The following LRRC58 variants were observed in gnomAD, a reference collection of about 807,000 sequenced individuals.
The protein encoded by LRRC58 is leucine rich repeat containing 58.
Under a neutral mutation model 30.6 loss-of-function variants are expected in LRRC58, and 18 were observed. That is an observed-to-expected ratio of 0.59 (90% confidence interval 0.41 to 0.87). The LOEUF (loss-of-function observed/expected upper bound fraction) is 0.87, where lower values mean the gene tolerates loss of function less well. LRRC58 is among the 40% of genes least tolerant of loss of function. LRRC58 has a pLI of 0.00. For synonymous variants in LRRC58, 221 were observed against 206.0 expected (o/e 1.07, Z -0.62); for missense variants, 420 against 468.4 (o/e 0.90, Z 0.95).
chr3:120,347,379 CTTTTT>C (rs796116731), intron 1 of LRRC58, among the ~76,000 whole-genome samples: 9,366 of 54,632 alleles, frequency 0.17, 494 homozygotes, highest in African/African-American at 0.21. Flanking sequence ...GGCCAATATT[CTTTTT>C]TTTTTTTTTT....
intron 1 of LRRC58, among the ~76,000 whole-genome samples, chr3:120,336,744 A>G (rs1401874312): frequency 6.6e-6 from 1 of 151,482 alleles, no homozygotes; most frequent in Non-Finnish European, 1.5e-5. Flanking sequence ...TAAAATAAAA[A>G]AAAAGAGAGT....
chr3:120,347,432 C>T (rs576724179), intron 1 of LRRC58, among the ~76,000 whole-genome samples: 10 of 123,842 alleles, frequency 8.1e-5, no homozygotes, highest in South Asian at 2.8e-4. Context: ...TCGCCCAGGC[C>T]GGACTGCGGA....
rs1023632843 is a variant in LRRC58 at position 120,349,049 on chromosome 3, G to A, written c.195C>T (p.Ser65=). Residue 65 remains serine (S), a synonymous_variant, in exon 1 of 4, where the codon AGC becomes AGT. Coordinates refer to ENST00000295628, the MANE Select transcript of LRRC58 (RefSeq NM_001099678.2). ...RLVSLPRALG[S]GFPHLQLLDV... ...CCAGCAGCTGGAGGTGCGGGAAGCC[G>A]CTGCCCAGCGCCCGTGGCAGCGACA... 2.0e-6 allele frequency: 3 copies of A among 1,517,398 alleles called. No homozygotes were observed. Among genetic ancestry groups the A allele is most frequent in the Admixed American group, 2.0e-5 (1 of 49,162 alleles). The allele number at this position is 1,517,398 out of a possible 1,614,324, so 94.0% of individuals were successfully genotyped here. A position where few individuals can be genotyped will look rare whatever the true frequency, so the allele number is the denominator to read the frequency against.
Position 120,325,769 on chromosome 3 carries a change from G to A in LRRC58, c.*5431C>T, listed in dbSNP as rs1935665299. 1 of 152,124 alleles carries A rather than the reference G, an allele frequency of 6.6e-6. No individual in the cohort carries two copies. Among genetic ancestry groups the A allele is most frequent in the Non-Finnish European group, 1.5e-5 (1 of 68,008 alleles). 9.4% of individuals were successfully genotyped at this position (152,124 alleles called of 1,614,324 possible). ...CATAAGATGCTATAAATATGAAGTTGGTTAGAAACTGCTGTCATTCTTTGG... is the reference window on the plus strand; with the variant it reads ...CATAAGATGCTATAAATATGAAGTTAGTTAGAAACTGCTGTCATTCTTTGG... On this transcript the variant is annotated 3_prime_UTR_variant, in exon 4 of 4. Transcript: ENST00000295628.
chr3:120,347,376 A>ATTTTTTTTTTTTTTTTTTTTT (rs1208688984), intron 1 of LRRC58, among the ~76,000 whole-genome samples: 12 of 51,100 alleles, frequency 2.3e-4, no homozygotes, highest in Non-Finnish European at 2.7e-4. Context: ...CCAGGCCAAT[A>ATTTTTTTTTTTTTTTTTTTTT]TTCTTTTTTT....
At chr3:120,335,196 A>T in intron 2 of LRRC58, 57 bp from the exon 3 acceptor site, 1 of 1,445,368 alleles carries the variant, frequency 6.9e-7, no homozygotes, top group Non-Finnish European at 9.6e-7. Flanking sequence ...TATCAAAAAT[A>T]TTGAATATAT....
Position 120,335,030 on chromosome 3 carries a change from A to G in LRRC58, c.739T>C (p.Leu247=), listed in dbSNP as rs376034819. 2.9e-4 allele frequency: 471 copies of G among 1,613,976 alleles called. 2 individuals carry two copies. The African/African-American group carries it at 5.6e-3, about 19-fold the overall frequency. Residue 247 remains leucine (L), a synonymous_variant, in exon 3 of 4, where the codon TTG becomes CTG. Transcript: ENST00000295628. ...LEELSLRGNP[L]VVRFVRDLTY... is the part of the protein sequence containing the mutation. ...AAATCTCTAACAAAACGAACAACCA[A>G]TGGATTTCCTCGTAAACTCAACTCT...
At chr3:120,344,719 T>C (rs193226028) in intron 1 of LRRC58, among the ~76,000 whole-genome samples, 68 of 152,346 alleles carry the variant, frequency 4.5e-4, no homozygotes, top group East Asian at 1.5e-3. Context: ...ATATCTAGCA[T>C]ACTGGATTTG....
chr3:120,345,657 C>T (rs9822269), intron 1 of LRRC58, among the ~76,000 whole-genome samples: 47,065 of 152,106 alleles, frequency 0.31, 8,888 homozygotes, highest in African/African-American at 0.52. Context: ...AATCGGGTCA[C>T]TGCCAAGGCT....
chr3:120,349,031 C>T lies in LRRC58; in HGVS notation c.213G>A (p.Gln71=). 1 of 1,518,636 alleles carries T rather than the reference C, an allele frequency of 6.6e-7. No homozygotes were observed. Among genetic ancestry groups the T allele is most frequent in the South Asian group, 1.2e-5 (1 of 81,632 alleles). 94.1% of individuals were successfully genotyped at this position (1,518,636 alleles called of 1,614,324 possible). A position where few individuals can be genotyped will look rare whatever the true frequency, so the allele number is the denominator to read the frequency against. Residue 71 remains glutamine, a synonymous_variant, in exon 1 of 4, where the codon CAG becomes CAA. Coordinates refer to ENST00000295628, the MANE Select transcript of LRRC58 (RefSeq NM_001099678.2). ...RALGSGFPHL[Q]LLDVSGNALT... ...ACGCGTTGCCGCTCACGTCCAGCAGCTGGAGGTGCGGGAAGCCGCTGCCCA... is the reference window on the plus strand; with the variant it reads ...ACGCGTTGCCGCTCACGTCCAGCAGTTGGAGGTGCGGGAAGCCGCTGCCCA...
intron 3 of LRRC58, among the ~76,000 whole-genome samples, chr3:120,334,509 A>AAAATAAAT (rs141062687): frequency 4.6e-5 from 7 of 150,878 alleles, no homozygotes; most frequent in Admixed American, 1.3e-4. Flanking sequence ...CTCTGTCTCA[A>AAAATAAAT]AAATAAATAA....
At chr3:120,347,161 C>G (rs1322926496) in intron 1 of LRRC58, among the ~76,000 whole-genome samples, 1 of 152,092 alleles carries the variant, frequency 6.6e-6, no homozygotes, top group African/African-American at 2.4e-5. Context: ...TGTCTGTCTC[C>G]TGGATCATGT....
At chr3:120,348,575 G>A (rs1470634718) in intron 1 of LRRC58, among the ~76,000 whole-genome samples, 169 bp downstream of exon 1, 2 of 152,144 alleles carry the variant, frequency 1.3e-5, no homozygotes, top group African/African-American at 2.4e-5. Flanking sequence ...GAACATACTA[G>A]GTATTTACAA....
At chr3:120,338,623 A>T (rs1005419415) in intron 1 of LRRC58, among the ~76,000 whole-genome samples, 2 of 152,240 alleles carry the variant, frequency 1.3e-5, no homozygotes, top group African/African-American at 2.4e-5. Flanking sequence ...ATGACTGAGT[A>T]CAAACCCCAA....
intron 1 of LRRC58, 109 bp downstream of exon 1, chr3:120,348,635 A>G: frequency 7.8e-7 from 1 of 1,287,434 alleles, no homozygotes; most frequent in Non-Finnish European, 1.0e-6. Context: ...AGTTAAAGAG[A>G]AAGCTTGGAA....
Position 120,324,572 on chromosome 3 carries a change from A to C in LRRC58, c.*6628T>G, listed in dbSNP as rs1026806425. The C allele has an allele frequency of 1.3e-5, 2 of 152,224 alleles. No individual in the cohort carries two copies. The highest frequency in any genetic ancestry group is 1.5e-5 in the Non-Finnish European group (1 of 68,034). The allele number at this position is 152,224 out of a possible 1,614,324, so 9.4% of individuals were successfully genotyped here. On this transcript the variant is annotated 3_prime_UTR_variant, in exon 4 of 4. Transcript: ENST00000295628. Reference sequence around the variant, plus strand: ...GTAACAAGTAATCAGGCAAATATCAACATTATAGAGACTTTAATATAGAAC... The same window carrying C: ...GTAACAAGTAATCAGGCAAATATCACCATTATAGAGACTTTAATATAGAAC...
chr3:120,336,677 G>GT (rs1268834860), intron 1 of LRRC58, among the ~76,000 whole-genome samples: 1 of 151,584 alleles, frequency 6.6e-6, no homozygotes, highest in Non-Finnish European at 1.5e-5. Context: ...AAAGTTCCAG[G>GT]TAATTATACT....
In LRRC58 at chr3:120,330,286, G is replaced by A. The variant is rs1935736657; in HGVS notation, c.*914C>T. 6.6e-6 allele frequency: 1 copy of A among 152,050 alleles called. No individual in the cohort carries two copies. The highest frequency in any genetic ancestry group is 1.5e-5 in the Non-Finnish European group (1 of 67,952). The allele number at this position is 152,050 out of a possible 1,614,324, so 9.4% of individuals were successfully genotyped here. On this transcript the variant is annotated 3_prime_UTR_variant, in exon 4 of 4. Transcript: ENST00000295628. ...TCTGTCTTATGATGAACAGATTGAT[G>A]AAGATTGTGGCCTACCATTAAGTGT...
rs1252731092 is a variant in LRRC58, at chr3:120,349,093, G to A, written c.151C>T (p.Leu51=). 1.3e-6 allele frequency: 2 copies of A among 1,511,618 alleles called. No homozygotes were observed. The highest frequency in any genetic ancestry group is 1.8e-6 in the Non-Finnish European group (2 of 1,138,494). 93.6% of individuals were successfully genotyped at this position (1,511,618 alleles called of 1,614,324 possible). A position where few individuals can be genotyped will look rare whatever the true frequency, so the allele number is the denominator to read the frequency against. Residue 51 remains leucine, a synonymous_variant, in exon 1 of 4, where the codon CTG becomes TTG. Coordinates refer to ENST00000295628, the MANE Select transcript of LRRC58 (RefSeq NM_001099678.2). ...GAREALLRLL[L]PHNRLVSLPR... is the part of the protein sequence containing the mutation. Reference sequence around the variant, plus strand: ...AGCGACACCAGACGGTTGTGAGGCAGCAGCAGCCGCAGCAGCGCCTCCCGC... The same window carrying A: ...AGCGACACCAGACGGTTGTGAGGCAACAGCAGCCGCAGCAGCGCCTCCCGC...
Sources: allele counts gnomAD v4.1 joint callset (sites outside exome capture counted in the v4.1 genomes callset), GRCh38; gene constraint gnomAD v4.1.1; transcripts MANE v1.5; gene names NCBI Gene and HGNC (gene_info 2026-07-23, HGNC 2026-07-21).